The following CUBN variants were observed in gnomAD, a reference collection of about 807,000 sequenced individuals.
The protein encoded by CUBN is 460 kDa receptor.
CUBN carries 282 observed loss-of-function variants against 405.3 expected under a neutral mutation model. The observed-to-expected ratio is 0.70, with a 90% CI of 0.63 to 0.77. CUBN has a LOEUF of 0.77. CUBN is among the 30% of genes least tolerant of loss of function. The probability of loss-of-function intolerance (pLI) is 0.00; values close to 1 mark genes in which losing one functional copy is unlikely to be tolerated. For synonymous variants in CUBN, 1,684 were observed against 1,617.0 expected, an observed-to-expected ratio of 1.04 and a Z score of -0.99; for missense variants, 4,514 against 4,475.2, an observed-to-expected ratio of 1.01 and a Z score of -0.25.
chr10:16,984,061 G>C, intron 30 of CUBN, 44 bp downstream of exon 30: 1 of 1,604,650 alleles, frequency 6.2e-7, no homozygotes, highest in Non-Finnish European at 8.5e-7. Context: ...AATTTAACGA[G>C]GGCTCGGCTT....
At chr10:16,992,187 A>G (rs1168172949) in intron 28 of CUBN, among the ~76,000 whole-genome samples, 2 of 152,124 alleles carry the variant, frequency 1.3e-5, no homozygotes, top group Non-Finnish European at 2.9e-5. Flanking sequence ...TGGGAATTCA[A>G]CAATGAGAAC....
chr10:17,046,136 A>G (rs777310968), intron 23 of CUBN, 42 bp from the exon 24 acceptor site: 18 of 1,533,660 alleles, frequency 1.2e-5, no homozygotes, highest in Non-Finnish European at 1.6e-5. Context: ...GTTACTGACA[A>G]TATTACTGTA....
In CUBN at chr10:16,901,344, G is replaced by T; in HGVS notation, c.8178C>A (p.Thr2726=). ...SSLLEAPQGH[T]ITLTFSDFDI... ...CCCAGTCATTAGCACTCACAGTGATGGTGTGCCCTTGTGGGGCCTCCAACA... is the reference window on the plus strand; with the variant it reads ...CCCAGTCATTAGCACTCACAGTGATTGTGTGCCCTTGTGGGGCCTCCAACA... The change falls in exon 52 of 67, where the codon ACC becomes ACA. Residue 2726 remains threonine, a synonymous_variant. Coordinates refer to ENST00000377833, the MANE Select transcript of CUBN (RefSeq NM_001081.4). 1.2e-6 allele frequency: 2 copies of T among 1,614,112 alleles called. No homozygotes were observed. The highest frequency in any genetic ancestry group is 1.7e-6 in the Non-Finnish European group (2 of 1,179,990).
intron 60 of CUBN, among the ~76,000 whole-genome samples, chr10:16,850,621 G>A (rs1341498763): frequency 2.0e-5 from 3 of 152,024 alleles, no homozygotes; most frequent in East Asian, 1.9e-4. Context: ...ACAGGCGCCC[G>A]CCGCCACACC....
At chr10:16,933,605 C>T (rs74853666) in intron 39 of CUBN, among the ~76,000 whole-genome samples, 2,816 of 152,168 alleles carry the variant, frequency 0.019, 46 homozygotes, top group Middle Eastern at 0.085. Flanking sequence ...TGAGGTAGAA[C>T]TGTATTCATT....
At chr10:17,124,524 G>C (rs559940957) in intron 4 of CUBN, among the ~76,000 whole-genome samples, 21 of 151,702 alleles carry the variant, frequency 1.4e-4, no homozygotes, top group Admixed American at 5.9e-4. Context: ...TGCCTCCTGG[G>C]TCCATGCCAT....
At chr10:16,838,655 T>G (rs1035136223) in intron 62 of CUBN, among the ~76,000 whole-genome samples, 3 of 152,210 alleles carry the variant, frequency 2.0e-5, no homozygotes, top group African/African-American at 7.2e-5. Context: ...TTTGTTGTTG[T>G]TGTTGTTGAG....
intron 28 of CUBN, among the ~76,000 whole-genome samples, chr10:17,000,610 T>C (rs1309956041): frequency 6.6e-6 from 1 of 152,256 alleles, no homozygotes; most frequent in Non-Finnish European, 1.5e-5. Flanking sequence ...TGACCTTCTT[T>C]GCATTGCAAT....
chr10:16,916,112 C>T, intron 45 of CUBN, 82 bp from the exon 46 acceptor site: 2 of 1,385,850 alleles, frequency 1.4e-6, no homozygotes, highest in Non-Finnish European at 2.0e-6. Context: ...TTGTTTTCTT[C>T]ATTTCACCAG....
At chr10:16,926,390 G>A (rs1367161028) in intron 41 of CUBN, among the ~76,000 whole-genome samples, 2 of 152,160 alleles carry the variant, frequency 1.3e-5, no homozygotes, top group South Asian at 2.1e-4. Context: ...GGAAGATGTT[G>A]AAGGGTTTTG....
chr10:16,952,495 T>A (rs1293031432), intron 32 of CUBN, 106 bp from the exon 33 acceptor site: 6 of 790,068 alleles, frequency 7.6e-6, no homozygotes, highest in South Asian at 2.8e-5. Context: ...TTCTTCTTAT[T>A]TCTAAAATGC....
At chr10:17,089,651 C>T (rs919583394) in intron 14 of CUBN, among the ~76,000 whole-genome samples, 1 of 152,148 alleles carries the variant, frequency 6.6e-6, no homozygotes, top group African/African-American at 2.4e-5. Context: ...CTAGAGAATG[C>T]AAGATGGTAC....
At chr10:16,833,800 C>T (rs1027295435) in intron 64 of CUBN, among the ~76,000 whole-genome samples, 8 of 152,232 alleles carry the variant, frequency 5.3e-5, no homozygotes, top group Non-Finnish European at 8.8e-5. Flanking sequence ...CTGCCTACAC[C>T]GGTACATTTC....
intron 54 of CUBN, among the ~76,000 whole-genome samples, chr10:16,898,715 C>G (rs1419669661): frequency 6.6e-6 from 1 of 152,102 alleles, no homozygotes; most frequent in African/African-American, 2.4e-5. Context: ...GCATTAGCTG[C>G]TCCTTCAACG....
chr10:17,123,393 G>A (rs1837091382), intron 5 of CUBN, 195 bp downstream of exon 5: 3 of 625,786 alleles, frequency 4.8e-6, no homozygotes, highest in African/African-American at 1.8e-5. Flanking sequence ...CCTTTCAATG[G>A]CTTTAGTATT....
intron 17 of CUBN, among the ~76,000 whole-genome samples, chr10:17,082,139 G>C (rs948404000): frequency 2.0e-5 from 3 of 152,068 alleles, no homozygotes; most frequent in Non-Finnish European, 2.9e-5. Context: ...CCTTGCATTT[G>C]CATTATTTTT....
At chr10:16,831,931 A>G (rs372347263) in intron 64 of CUBN, among the ~76,000 whole-genome samples, 41 of 152,342 alleles carry the variant, frequency 2.7e-4, no homozygotes, top group African/African-American at 9.6e-4. Context: ...AAAGTATAAT[A>G]AAGTTCAGAA....
intron 27 of CUBN, among the ~76,000 whole-genome samples, chr10:17,025,411 C>T (rs779012556): frequency 1.3e-5 from 2 of 152,222 alleles, no homozygotes; most frequent in African/African-American, 4.8e-5. Flanking sequence ...TTAGAGAACA[C>T]AATTTTGTGA....
At chr10:16,949,888 C>A (rs1259175215) in intron 34 of CUBN, 113 bp downstream of exon 34, 5 of 814,584 alleles carry the variant, frequency 6.1e-6, no homozygotes, top group East Asian at 5.4e-5. Context: ...GCTTAGGCTG[C>A]TCTTTCTATT....
Sources: gnomAD v4.1 joint callset for allele counts (sites outside exome capture counted in the v4.1 genomes callset) on GRCh38, gnomAD v4.1.1 for gene constraint, MANE v1.5 for transcripts, NCBI Gene and HGNC (gene_info 2026-07-23, HGNC 2026-07-21) for gene names.